Variants in TFE3 observed in about 807,000 individuals in gnomAD.
TFE3 encodes transcription factor binding to IGHM enhancer 3, also known as transcription factor E3.
In TFE3, 5 loss-of-function variants were observed where a neutral mutation model predicts 35.0. The ratio of observed to expected loss-of-function variants is 0.14; its 90% confidence interval spans 0.07 to 0.30. TFE3 has a LOEUF of 0.30. Ranked by LOEUF, TFE3 falls within the 10% of genes least tolerant of loss-of-function variation. The probability of loss-of-function intolerance (pLI) is 1.00; values close to 1 mark genes in which losing one functional copy is unlikely to be tolerated. For missense variants in TFE3, 374 were observed against 496.6 expected, an observed-to-expected ratio of 0.75 and a Z score of 2.35; for synonymous variants, 211 against 215.6, an observed-to-expected ratio of 0.98 and a Z score of 0.18.
rs1308271056 is a variant in TFE3 at position 49,031,420 on chromosome X, G to A, written c.1261C>T (p.Arg421Cys). 14 of 1,200,538 alleles carry A rather than the reference G, an allele frequency of 1.2e-5. No individual in the cohort carries two copies. The highest frequency in any genetic ancestry group is 3.0e-5 in the East Asian group (1 of 33,305). ...SRQRSLEQAN[R>C]SLQLRIQELE... ...ACCTGAATTCGGAGCTGCAGGCTGC[G>A]GTTGGCCTGCTCCAGGGATCGCTGC... The change falls in exon 9 of 10, where the codon CGC becomes TGC. Residue 421 changes from arginine to cysteine, a missense_variant. By Grantham distance (180) the Arg-to-Cys change is radical (BLOSUM62 -3). This residue lies in a region of TFE3 where 167 missense variants were observed against 297.2 expected (regional missense o/e 0.56). Coordinates refer to ENST00000315869, the MANE Select transcript of TFE3 (RefSeq NM_006521.6).
Position 49,033,655 on chromosome X carries a change from A to G in TFE3, c.1060+71T>C, listed in dbSNP as rs890548874. 9 of 1,190,289 alleles carry G rather than the reference A, an allele frequency of 7.6e-6. No homozygotes were observed. The South Asian group carries it at 1.6e-4, about 21-fold the overall frequency. ...GGCTGTTGCAGGGAAGGAGTTCCCC[A>G]TGGGGGGCCAGGACTCGGGGTGAGG... On this transcript the variant is annotated intron_variant, in intron 7 of 9. Transcript: ENST00000315869.
In TFE3 at chrX:49,029,285, T is replaced by A. The variant is rs977010133; in HGVS notation, c.*873A>T. On this transcript the variant is annotated 3_prime_UTR_variant, in exon 10 of 10. Coordinates refer to ENST00000315869, the MANE Select transcript of TFE3 (RefSeq NM_006521.6). ...GATATAGGTCTGGAAAATTCATCCA[T>A]GAAATTTCATAATCTGTCCCCTTCC... 27 of 178,562 alleles carry A rather than the reference T, an allele frequency of 1.5e-4. No homozygotes were observed. The highest frequency in any genetic ancestry group is 1.8e-3 in the Middle Eastern group (1 of 562). 14.7% of individuals were successfully genotyped at this position (178,562 alleles called of 1,213,427 possible). A position where few individuals can be genotyped will look rare whatever the true frequency, so the allele number is the denominator to read the frequency against.
In TFE3 at chrX:49,043,212, G is replaced by A; in HGVS notation, c.15C>T (p.Ala5=). The A allele has an allele frequency of 8.5e-7, 1 of 1,170,089 alleles. No homozygotes were observed. Among genetic ancestry groups the A allele is most frequent in the South Asian group, 1.9e-5 (1 of 53,011 alleles). Reference sequence around the variant, plus strand: ...CCTCTACGCCATCCCGAGCTGGTTCGGCCGCATGAGACATGACGCCCGGCC... The same window carrying A: ...CCTCTACGCCATCCCGAGCTGGTTCAGCCGCATGAGACATGACGCCCGGCC... MSHA[A]EPARDGVEAS... Residue 5 remains alanine (A), a synonymous_variant, in exon 1 of 10, where the codon GCC becomes GCT. Coordinates refer to ENST00000315869, the MANE Select transcript of TFE3 (RefSeq NM_006521.6).
At position 49,039,317 on chromosome X, in the gene TFE3, T is replaced by C. The variant is rs781940632; in HGVS notation, c.324A>G (p.Ser108=). ...AGGSRTPAMS[S]SSSSRVLLRQ... ...GCAGCAAGACCCTCGATGAAGAAGATGACGACATGGCAGGGGTCCTGGAGC... is the reference window on the plus strand; with the variant it reads ...GCAGCAAGACCCTCGATGAAGAAGACGACGACATGGCAGGGGTCCTGGAGC... The change falls in exon 3 of 10, where the codon TCA becomes TCG. Residue 108 remains serine, a synonymous_variant. Coordinates refer to ENST00000315869, the MANE Select transcript of TFE3 (RefSeq NM_006521.6). 1.4e-5 allele frequency: 17 copies of C among 1,205,711 alleles called. No homozygotes were observed. The highest frequency in any genetic ancestry group is 1.8e-5 in the South Asian group (1 of 56,035).
intron 6 of TFE3, 146 bp downstream of exon 6, chrX:49,033,988 G>T: frequency 1.6e-6 from 1 of 610,413 alleles, no homozygotes; most frequent in Non-Finnish European, 2.6e-6. Flanking sequence ...AAGACCACAA[G>T]CCATAGGGGG....
chrX:49,039,257 C>T lies in TFE3; in HGVS notation c.384G>A (p.Gln128=). The change falls in exon 3 of 10, where the codon CAG becomes CAA. Residue 128 remains glutamine (Q), a synonymous_variant. Transcript: ENST00000315869. ...CCTGTTCCCGACGCTCACGCCTCTC[C>T]TGCTCCTGCGCCTGGGCCCGCATTA... The part of the protein sequence containing the change: ...QQLMRAQAQE[Q]ERRERREQAA... 1 of 1,207,410 alleles carries T rather than the reference C, an allele frequency of 8.3e-7. No individual in the cohort carries two copies. Among genetic ancestry groups the T allele is most frequent in the Non-Finnish European group, 1.1e-6 (1 of 893,361 alleles).
At position 49,034,113 on chromosome X, in the gene TFE3, G is replaced by A. The variant is rs782555413; in HGVS notation, c.1003+21C>T. The A allele has an allele frequency of 1.3e-5, 15 of 1,169,291 alleles. 1 individual carries two copies. The Admixed American group carries it at 3.3e-4, about 26-fold the overall frequency. On this transcript the variant is annotated intron_variant, in intron 6 of 9. Transcript: ENST00000315869. ...CCTGGGGTAAAGTGTAGGGCCATGG[G>A]GCCAAGACCCTATCACCTACCAGAG...
Position 49,039,344 on chromosome X carries a change from C to T in TFE3, c.297G>A (p.Gly99=). 8.3e-7 allele frequency: 1 copy of T among 1,207,274 alleles called. No individual in the cohort carries two copies. The highest frequency in any genetic ancestry group is 1.8e-5 in the South Asian group (1 of 56,235). ...PATLSASSSA[G]GSRTPAMSSS... is the part of the protein sequence containing the mutation. Reference sequence around the variant, plus strand: ...ACGACATGGCAGGGGTCCTGGAGCCCCCTGCAGAAGACGATGCAGAGAGTG... The same window carrying T: ...ACGACATGGCAGGGGTCCTGGAGCCTCCTGCAGAAGACGATGCAGAGAGTG... Residue 99 remains glycine, a synonymous_variant, in exon 3 of 10, where the codon GGG becomes GGA. Coordinates refer to ENST00000315869, the MANE Select transcript of TFE3 (RefSeq NM_006521.6).
At chrX:49,040,807 C>T (rs782216331) in intron 1 of TFE3, among the ~76,000 whole-genome samples, 1 of 99,678 alleles carries the variant, frequency 1.0e-5, no homozygotes, top group Non-Finnish European at 2.0e-5. Flanking sequence ...ATAATAAGAA[C>T]GCCTGCATCC....
At chrX:49,037,985 C>G in intron 5 of TFE3, 25 bp downstream of exon 5, 2 of 1,160,788 alleles carry the variant, frequency 1.7e-6, no homozygotes, top group Non-Finnish European at 2.3e-6. Flanking sequence ...AATTTTCAGA[C>G]CAACCTCCCA....
chrX:49,033,656 TG>T lies in TFE3; in HGVS notation c.1060+69del, dbSNP rs2064712170. 3 of 1,190,402 alleles carry T rather than the reference TG, an allele frequency of 2.5e-6. No homozygotes were observed. The South Asian group carries it at 5.4e-5, about 21-fold the overall frequency. On this transcript the variant is annotated intron_variant, in intron 7 of 9. Transcript: ENST00000315869. ...GCTGTTGCAGGGAAGGAGTTCCCCATGGGGGGCCAGGACTCGGGGTGAGGCA... is the reference window on the plus strand; with the variant it reads ...GCTGTTGCAGGGAAGGAGTTCCCCATGGGGGCCAGGACTCGGGGTGAGGCA...
chrX:49,042,055 A>T (rs1030908164), intron 1 of TFE3, among the ~76,000 whole-genome samples: 6 of 110,728 alleles, frequency 5.4e-5, no homozygotes, highest in African/African-American at 2.0e-4. Context: ...CATTGCACAG[A>T]AGTTGGAAGA....
Position 49,040,544 on chromosome X carries a change from G to A in TFE3, c.141C>T (p.Ser47=), listed in dbSNP as rs782391412. 5 of 1,207,716 alleles carry A rather than the reference G, an allele frequency of 4.1e-6. No homozygotes were observed. The highest frequency in any genetic ancestry group is 3.0e-5 in the East Asian group (1 of 33,735). ...CTAATTCTATGTCAGCAACAATCCC[G>A]GATTCCGGAAGCAAAGAGTTCAGGC... is the stretch of plus-strand genomic sequence containing the variant. ...LLSLNSLLPE[S]GIVADIELEN... is the part of the protein sequence containing the mutation. Residue 47 remains serine (S), a synonymous_variant, in exon 2 of 10, where the codon TCC becomes TCT. Coordinates refer to ENST00000315869, the MANE Select transcript of TFE3 (RefSeq NM_006521.6).
chrX:49,043,171 G>T lies in TFE3; in HGVS notation c.56C>A (p.Pro19His). Residue 19 changes from proline to histidine, a missense_variant, in exon 1 of 10, where the codon CCT becomes CAT. Pro to His is a moderately conservative substitution (Grantham distance 77). Around this residue, in one of 3 missense-constraint regions of TFE3, gnomAD observed 90 missense variants for 87.5 expected, o/e 1.03. Transcript: ENST00000315869. ...RDGVEASAEG[P>H]RAVFVLLEER... ...CTCCAACAGCACGAACACGGCTCGA[G>T]GGCCCTCCGCGCTGGCCTCTACGCC... The T allele has an allele frequency of 8.4e-7, 1 of 1,188,326 alleles. No individual in the cohort carries two copies. The highest frequency in any genetic ancestry group is 1.1e-6 in the Non-Finnish European group (1 of 886,674).
chrX:49,042,977 C>T, intron 1 of TFE3, 134 bp downstream of exon 1: 2 of 468,624 alleles, frequency 4.3e-6, no homozygotes, highest in Non-Finnish European at 6.9e-6. Context: ...TTAGGTGCCC[C>T]CCCAAGACGG....
intron 9 of TFE3, among the ~76,000 whole-genome samples, chrX:49,031,088 A>ATAAC (rs2064697511): frequency 9.1e-6 from 1 of 109,465 alleles, no homozygotes. Context: ...CATCTCAAAA[A>ATAAC]TAAATAAATA....
At chrX:49,036,441 G>A (rs1297026724) in intron 5 of TFE3, among the ~76,000 whole-genome samples, 1 of 94,603 alleles carries the variant, frequency 1.1e-5, no homozygotes, top group Non-Finnish European at 2.1e-5. Flanking sequence ...ATTCCAGCCT[G>A]GACAAGGAGA....
chrX:49,039,474 G>T (rs1557075392), intron 2 of TFE3, 64 bp from the exon 3 acceptor site: 2 of 1,066,647 alleles, frequency 1.9e-6, no homozygotes, highest in African/African-American at 3.8e-5. Context: ...CAAGCCTAAA[G>T]GGTCTTAGCG....
chrX:49,028,891 GATA>G lies in TFE3; in HGVS notation c.*1264_*1266del, dbSNP rs2064682305. On this transcript the variant is annotated 3_prime_UTR_variant, in exon 10 of 10. Coordinates refer to ENST00000315869, the MANE Select transcript of TFE3 (RefSeq NM_006521.6). ...GGGAATGGAGGGGGGAGTGTCTCTT[GATA>G]ACTCTGAAATGGGGTGATTCCTCCA... is the stretch of plus-strand genomic sequence containing the variant. The G allele has an allele frequency of 5.8e-6, 1 of 172,508 alleles. No homozygotes were observed. The highest frequency in any genetic ancestry group is 3.0e-5 in the African/African-American group (1 of 33,613). 14.2% of individuals were successfully genotyped at this position (172,508 alleles called of 1,213,427 possible).
Sources: allele counts gnomAD v4.1 joint callset (sites outside exome capture counted in the v4.1 genomes callset), GRCh38; gene constraint gnomAD v4.1.1; regional missense constraint gnomAD v4.1.1; transcripts MANE v1.5; gene names NCBI Gene and HGNC (gene_info 2026-07-23, HGNC 2026-07-21).